DBP: variants seen among roughly 807,000 people sequenced by gnomAD.
The protein encoded by DBP is D site-binding protein.
Under a neutral mutation model 21.4 loss-of-function variants are expected in DBP, and 12 were observed. That is an observed-to-expected ratio of 0.56 (90% CI 0.36 to 0.91). The LOEUF is 0.91. Among genes scored for constraint, DBP ranks in the 40% least tolerant of loss-of-function variants. The probability of loss-of-function intolerance (pLI) is 0.01; values close to 1 mark genes in which losing one functional copy is unlikely to be tolerated. For missense variants in DBP, 423 were observed against 473.4 expected, an observed-to-expected ratio of 0.89 and a Z score of 0.99; for synonymous variants, 213 against 224.9, an observed-to-expected ratio of 0.95 and a Z score of 0.47.
At chr19:48,633,703 G>T in intron 2 of DBP, 48 bp from the exon 3 acceptor site, 1 of 1,524,716 alleles carries the variant, frequency 6.6e-7, no homozygotes, top group Non-Finnish European at 9.1e-7. Context: ...TAAGGAGGGG[G>T]TTTCCTGAAG....
rs765450477 is a variant in DBP, at chr19:48,630,748, G to A, written c.*89C>T. 160 of 1,444,444 alleles carry A rather than the reference G, an allele frequency of 1.1e-4. No individual in the cohort carries two copies. Among genetic ancestry groups the A allele is most frequent in the Non-Finnish European group, 1.4e-4 (155 of 1,078,754 alleles). The allele number at this position is 1,444,444 out of a possible 1,614,324, so 89.5% of individuals were successfully genotyped here. ...ACGTCCCTGGGGCACCCAGCTGGCC[G>A]GCCCGTGGGCCACAGGGCAGGAAGG... On this transcript the variant is annotated 3_prime_UTR_variant, in exon 4 of 4. Coordinates refer to ENST00000222122, the MANE Select transcript of DBP (RefSeq NM_001352.5). This position sits in a 1 kb window ranked among gnomAD's most constrained non-coding sequence, Gnocchi z 4.9.
chr19:48,636,742 G>A (rs947242994), intron 1 of DBP, 114 bp downstream of exon 1: 6 of 1,291,180 alleles, frequency 4.6e-6, no homozygotes, highest in African/African-American at 4.5e-5. Context: ...AGTAGATTAA[G>A]GTTGGGAAGA....
At chr19:48,635,215 T>G (rs2030737577) in intron 2 of DBP, 2 of 1,118,580 alleles carry the variant, frequency 1.8e-6, no homozygotes, top group Non-Finnish European at 2.2e-6. Flanking sequence ...CCATCGATTA[T>G]GGGCCCAGAT....
Position 48,630,329 on chromosome 19 carries a change from A to C in DBP, c.*508T>G. The stretch of plus-strand genomic sequence containing the variant: ...GAAATTCATATCCCCTGTTCGTCTC[A>C]TGCGCGTCCTCCGTCCCCAATCTAA... On this transcript the variant is annotated 3_prime_UTR_variant, in exon 4 of 4. Coordinates refer to ENST00000222122, the MANE Select transcript of DBP (RefSeq NM_001352.5). This position sits in a 1 kb window ranked among gnomAD's most constrained non-coding sequence, Gnocchi z 4.9. The C allele has an allele frequency of 1.5e-6, 2 of 1,308,894 alleles. No individual in the cohort carries two copies. Among genetic ancestry groups the C allele is most frequent in the South Asian group, 2.3e-5 (1 of 43,186 alleles). The allele number at this position is 1,308,894 out of a possible 1,614,324, so 81.1% of individuals were successfully genotyped here.
At chr19:48,635,474 G>C in intron 2 of DBP, 106 bp downstream of exon 2, 1 of 1,477,090 alleles carries the variant, frequency 6.8e-7, no homozygotes, top group Non-Finnish European at 9.0e-7. Flanking sequence ...CACAGAATTC[G>C]AGGCCGCAGC....
Position 48,630,866 on chromosome 19 carries a change from G to C in DBP, c.949C>G (p.Arg317Gly). 1 of 1,605,072 alleles carries C rather than the reference G, an allele frequency of 6.2e-7. No homozygotes were observed. Among genetic ancestry groups the C allele is most frequent in the Non-Finnish European group, 8.5e-7 (1 of 1,176,262 alleles). The change falls in exon 4 of 4, where the codon CGA becomes GGA. Residue 317 changes from arginine (R) to glycine (G), a missense_variant. Coordinates refer to ENST00000222122, the MANE Select transcript of DBP (RefSeq NM_001352.5). This position sits in a 1 kb window ranked among gnomAD's most constrained non-coding sequence, Gnocchi z 4.9. ...ELSHYRAVLSRYQAQHGAL is the reference protein window; with the variant it reads ...ELSHYRAVLSGYQAQHGAL The stretch of plus-strand genomic sequence containing the variant: ...AGGGCCCCGTGCTGGGCCTGGTATC[G>C]GGACAGCACGGCGCGGTAGTGGGAC...
At position 48,634,724 on chromosome 19, in the gene DBP, A is replaced by C. The variant is rs1464628479; in HGVS notation, c.550+856T>G. 3.0e-6 allele frequency: 3 copies of C among 985,396 alleles called. No homozygotes were observed. The Admixed American group carries it at 1.8e-4, about 61-fold the overall frequency. 61.0% of individuals were successfully genotyped at this position (985,396 alleles called of 1,614,324 possible). A position where few individuals can be genotyped will look rare whatever the true frequency, so the allele number is the denominator to read the frequency against. On this transcript the variant is annotated intron_variant, in intron 2 of 3. Transcript: ENST00000222122. ...GTGGCGCAGGAATGTGCCGCTGGGA[A>C]GGGTAGGGCCCTGGTTCGGCCCGGA...
In DBP at chr19:48,630,387, A is replaced by G; in HGVS notation, c.*450T>C. ...TTGAAAAGGTCTATGCAATAAAGGC[A>G]GTCGCTTCATTCCTCTCAGACCTTC... On this transcript the variant is annotated 3_prime_UTR_variant, in exon 4 of 4. Transcript: ENST00000222122. This position sits in a 1 kb window ranked among gnomAD's most constrained non-coding sequence, Gnocchi z 4.9. 1 of 1,378,094 alleles carries G rather than the reference A, an allele frequency of 7.3e-7. No homozygotes were observed. The highest frequency in any genetic ancestry group is 9.4e-7 in the Non-Finnish European group (1 of 1,067,400). 85.4% of individuals were successfully genotyped at this position (1,378,094 alleles called of 1,614,324 possible).
Position 48,630,695 on chromosome 19 carries a change from A to G in DBP, c.*142T>C. 1 of 1,416,764 alleles carries G rather than the reference A, an allele frequency of 7.1e-7. No individual in the cohort carries two copies. The highest frequency in any genetic ancestry group is 9.3e-7 in the Non-Finnish European group (1 of 1,074,754). 87.8% of individuals were successfully genotyped at this position (1,416,764 alleles called of 1,614,324 possible). A position where few individuals can be genotyped will look rare whatever the true frequency, so the allele number is the denominator to read the frequency against. ...AGGGGGGAGGCTCGCTTTTTCTTAAAAATATAAATGTATTTATCTGCATTA... is the reference window on the plus strand; with the variant it reads ...AGGGGGGAGGCTCGCTTTTTCTTAAGAATATAAATGTATTTATCTGCATTA... On this transcript the variant is annotated 3_prime_UTR_variant, in exon 4 of 4. Transcript: ENST00000222122. The surrounding 1 kb of genome is among the most constrained non-coding windows in gnomAD (Gnocchi z 4.9).
In DBP at chr19:48,630,753, G is replaced by A. The variant is rs2030541753; in HGVS notation, c.*84C>T. On this transcript the variant is annotated 3_prime_UTR_variant, in exon 4 of 4. Coordinates refer to ENST00000222122, the MANE Select transcript of DBP (RefSeq NM_001352.5). The surrounding 1 kb of genome is among the most constrained non-coding windows in gnomAD (Gnocchi z 4.9). ...CCTGGGGCACCCAGCTGGCCGGCCCGTGGGCCACAGGGCAGGAAGGGAACA... is the reference window on the plus strand; with the variant it reads ...CCTGGGGCACCCAGCTGGCCGGCCCATGGGCCACAGGGCAGGAAGGGAACA... 2.7e-6 allele frequency: 4 copies of A among 1,456,724 alleles called. No individual in the cohort carries two copies. The South Asian group carries it at 3.9e-5, about 14-fold the overall frequency. The allele number at this position is 1,456,724 out of a possible 1,614,324, so 90.2% of individuals were successfully genotyped here.
At position 48,633,546 on chromosome 19, in the gene DBP, G is replaced by C. The variant is rs1306972071; in HGVS notation, c.660C>G (p.His220Gln). ...GATGTCTTCGAGGGTCAAAGGTCTC[G>C]TGGCCAGGAATGCTTGATAGGGCAA... ...ADLALSSIPG[H>Q]ETFDPRRHRF... Residue 220 changes from histidine (H) to glutamine (Q), a missense_variant, in exon 3 of 4, where the codon CAC (histidine) becomes CAG (glutamine). Physicochemically the swap from His to Gln is conservative, Grantham distance 24 (BLOSUM62 0). Transcript: ENST00000222122. 6.2e-7 allele frequency: 1 copy of C among 1,614,136 alleles called. No homozygotes were observed. The highest frequency in any genetic ancestry group is 8.5e-7 in the Non-Finnish European group (1 of 1,180,024).
chr19:48,635,512 T>G lies in DBP; in HGVS notation c.550+68A>C. 2.0e-6 allele frequency: 3 copies of G among 1,477,628 alleles called. No homozygotes were observed. In the South Asian group the frequency reaches 3.7e-5, roughly 18 times the overall value. 91.5% of individuals were successfully genotyped at this position (1,477,628 alleles called of 1,614,324 possible). ...GGTCCCACGGTCCCAGCCCCCAGCG[T>G]CGCACAGCCCCGCCCCCTGAGTCCA... On this transcript the variant is annotated intron_variant, in intron 2 of 3. Coordinates refer to ENST00000222122, the MANE Select transcript of DBP (RefSeq NM_001352.5).
rs898895323 is a variant in DBP at position 48,635,692 on chromosome 19, C to A, written c.438G>T (p.Arg146=). The change falls in exon 2 of 4, where the codon CGG becomes CGT. Residue 146 remains arginine (R), a synonymous_variant. Transcript: ENST00000222122. ...CCGGCCCTGGGGAGGGTGCGGGCGT[C>A]CGCGCGGGCGACGGCTCCGGCGACG... The part of the protein sequence containing the change: ...GGPSPEPSPA[R]TPAPSPGPGS... The A allele has an allele frequency of 1.5e-5, 20 of 1,321,694 alleles. No homozygotes were observed. Among genetic ancestry groups the A allele is most frequent in the Non-Finnish European group, 1.9e-5 (20 of 1,044,136 alleles). The allele number at this position is 1,321,694 out of a possible 1,614,324, so 81.9% of individuals were successfully genotyped here. A position where few individuals can be genotyped will look rare whatever the true frequency, so the allele number is the denominator to read the frequency against.
rs1429784237 is a variant in DBP, at chr19:48,630,517, C to A, written c.*320G>T. 6.5e-7 allele frequency: 1 copy of A among 1,533,544 alleles called. No individual in the cohort carries two copies. The highest frequency in any genetic ancestry group is 1.4e-5 in the African/African-American group (1 of 72,806). The allele number at this position is 1,533,544 out of a possible 1,614,324, so 95.0% of individuals were successfully genotyped here. On this transcript the variant is annotated 3_prime_UTR_variant, in exon 4 of 4. Coordinates refer to ENST00000222122, the MANE Select transcript of DBP (RefSeq NM_001352.5). This position sits in a 1 kb window ranked among gnomAD's most constrained non-coding sequence, Gnocchi z 4.9. The stretch of plus-strand genomic sequence containing the variant: ...GCCCGGAGCTGCCCACGGGCTGCAG[C>A]CAGTATGCCAGGGAGCTGCCCTCTT...
At chr19:48,636,267 G>A (rs2030793486) in intron 1 of DBP, among the ~76,000 whole-genome samples, 1 of 152,104 alleles carries the variant, frequency 6.6e-6, no homozygotes, top group Non-Finnish European at 1.5e-5. Context: ...GCGAACCAGA[G>A]AAAGAGAGAC....
Position 48,630,260 on chromosome 19 carries a change from C to CT in DBP, c.*576dup. The CT allele has an allele frequency of 2.3e-6, 3 of 1,283,934 alleles. No homozygotes were observed. Among genetic ancestry groups the CT allele is most frequent in the Non-Finnish European group, 3.0e-6 (3 of 1,016,214 alleles). The allele number at this position is 1,283,934 out of a possible 1,614,324, so 79.5% of individuals were successfully genotyped here. On this transcript the variant is annotated 3_prime_UTR_variant, in exon 4 of 4. Transcript: ENST00000222122. The surrounding 1 kb of genome is among the most constrained non-coding windows in gnomAD (Gnocchi z 4.9). Reference sequence around the variant, plus strand: ...AGGGGCAGGTTCCCCGGGGCCGGCGCTAGGATTTGCACTAATGTTCCTCTC... The same window carrying CT: ...AGGGGCAGGTTCCCCGGGGCCGGCGCTTAGGATTTGCACTAATGTTCCTCTC...
In DBP at chr19:48,630,140, T is replaced by C. The variant is rs903372892; in HGVS notation, c.*697A>G. 44 of 1,250,408 alleles carry C rather than the reference T, an allele frequency of 3.5e-5. No individual in the cohort carries two copies. The highest frequency in any genetic ancestry group is 4.2e-5 in the Non-Finnish European group (42 of 995,362). The allele number at this position is 1,250,408 out of a possible 1,614,324, so 77.5% of individuals were successfully genotyped here. ...CCCAATGACAGGACCTGGAATGTAC[T>C]GGCTGGGGTAGGCCTCAGTGAGTCG... On this transcript the variant is annotated 3_prime_UTR_variant, in exon 4 of 4. Coordinates refer to ENST00000222122, the MANE Select transcript of DBP (RefSeq NM_001352.5). The surrounding 1 kb of genome is among the most constrained non-coding windows in gnomAD (Gnocchi z 4.9).
At chr19:48,636,794 G>C (rs1057420277) in intron 1 of DBP, 62 bp downstream of exon 1, 1 of 1,570,872 alleles carries the variant, frequency 6.4e-7, no homozygotes, top group Admixed American at 1.9e-5. Flanking sequence ...CCCACCCCAC[G>C]GCACCTGAGT....
rs760346401 is a variant in DBP, at chr19:48,630,263, G to A, written c.*574C>T. 287 of 1,285,700 alleles carry A rather than the reference G, an allele frequency of 2.2e-4. No individual in the cohort carries two copies. Among genetic ancestry groups the A allele is most frequent in the Non-Finnish European group, 2.7e-4 (279 of 1,017,254 alleles). 79.6% of individuals were successfully genotyped at this position (1,285,700 alleles called of 1,614,324 possible). ...GGCAGGTTCCCCGGGGCCGGCGCTA[G>A]GATTTGCACTAATGTTCCTCTCCCC... On this transcript the variant is annotated 3_prime_UTR_variant, in exon 4 of 4. Coordinates refer to ENST00000222122, the MANE Select transcript of DBP (RefSeq NM_001352.5). The surrounding 1 kb of genome is among the most constrained non-coding windows in gnomAD (Gnocchi z 4.9).
Sources: allele counts gnomAD v4.1 joint callset (sites outside exome capture counted in the v4.1 genomes callset), GRCh38; gene constraint gnomAD v4.1.1; non-coding constraint Gnocchi (gnomAD v3.1); transcripts MANE v1.5; gene names NCBI Gene and HGNC (gene_info 2026-07-23, HGNC 2026-07-21).